The following RNF166 variants were observed in gnomAD, a reference collection of about 807,000 sequenced individuals.
RNF166 encodes the protein ring finger protein 166.
In RNF166, 19 loss-of-function variants were observed where a neutral mutation model predicts 29.4. The ratio of observed to expected loss-of-function variants is 0.65; its 90% CI spans 0.45 to 0.95. The LOEUF (loss-of-function observed/expected upper bound fraction) is 0.95, where lower values mean the gene tolerates loss of function less well. Ranked by LOEUF, RNF166 falls within the 40% of genes least tolerant of loss-of-function variation. The pLI is 0.00. For missense variants in RNF166, 347 were observed against 322.1 expected (o/e 1.08, Z -0.59); for synonymous variants, 171 against 134.5 (o/e 1.27, Z -1.88).
intron 1 of RNF166, among the ~76,000 whole-genome samples, chr16:88,702,244 G>C (rs1161820131): frequency 6.6e-6 from 1 of 152,210 alleles, no homozygotes; most frequent in African/African-American, 2.4e-5. Context: ...TGCAAACACA[G>C]AGAAGGAGCT....
chr16:88,697,957 C>T (rs1909797125), intron 5 of RNF166: 1 of 470,954 alleles, frequency 2.1e-6, no homozygotes, highest in Non-Finnish European at 3.8e-6. Context: ...CATCCTGAGG[C>T]AGGCGGAGCG....
intron 1 of RNF166, chr16:88,703,778 C>G (rs1051781224): frequency 1.0e-6 from 1 of 985,336 alleles, no homozygotes; most frequent in Admixed American, 6.1e-5. Context: ...CCAGCAGGCA[C>G]CCGGGACTGC....
intron 1 of RNF166, chr16:88,701,691 C>A (rs780963589): frequency 1.2e-5 from 5 of 425,344 alleles, no homozygotes; most frequent in Non-Finnish European, 2.1e-5. Flanking sequence ...GCTGTCCCCG[C>A]GAGTGGGCCA....
At position 88,698,453 on chromosome 16, in the gene RNF166, G is replaced by T. The variant is rs755242039; in HGVS notation, c.648+49C>A. 12 of 1,403,358 alleles carry T rather than the reference G, an allele frequency of 8.6e-6. No individual in the cohort carries two copies. The East Asian group carries it at 2.7e-4, about 32-fold the overall frequency. The allele number at this position is 1,403,358 out of a possible 1,614,324, so 86.9% of individuals were successfully genotyped here. A position where few individuals can be genotyped will look rare whatever the true frequency, so the allele number is the denominator to read the frequency against. On this transcript the variant is annotated intron_variant, in intron 5 of 5. Transcript: ENST00000312838. The stretch of plus-strand genomic sequence containing the variant: ...CTGGCGAGGGGCCCGAGCAGGAGGA[G>T]GGTGGATGAGGAGGGCGTGGGGGAG...
intron 1 of RNF166, 51 bp downstream of exon 1, chr16:88,706,120 C>T: frequency 9.1e-6 from 10 of 1,098,890 alleles, no homozygotes; most frequent in Non-Finnish European, 1.1e-5. Flanking sequence ...GCGACCCCTC[C>T]CGCGGCGGGG....
rs751416295 is a variant in RNF166, at chr16:88,696,692, C to T, written c.*876G>A. 3 of 431,362 alleles carry T rather than the reference C, an allele frequency of 7.0e-6. No individual in the cohort carries two copies. Among genetic ancestry groups the T allele is most frequent in the East Asian group, 1.4e-4 (2 of 14,188 alleles). The allele number at this position is 431,362 out of a possible 1,614,324, so 26.7% of individuals were successfully genotyped here. On this transcript the variant is annotated 3_prime_UTR_variant, in exon 6 of 6. Transcript: ENST00000312838. ...GCACAGTCAGCTTTGAAGGTGACAG[C>T]GGGCCAAGGCCAGGACTCTGGGTGG...
At chr16:88,698,777 C>A (rs1039629092) in intron 4 of RNF166, among the ~76,000 whole-genome samples, 168 bp from the exon 5 acceptor site, 2 of 152,016 alleles carry the variant, frequency 1.3e-5, no homozygotes, top group East Asian at 3.8e-4. Flanking sequence ...CAGTGCGCGT[C>A]ACCCTGAAGG....
At chr16:88,702,716 G>A (rs1053805016) in intron 1 of RNF166, 28 of 985,272 alleles carry the variant, frequency 2.8e-5, no homozygotes, top group Admixed American at 1.8e-4. Flanking sequence ...CTTGAGACCC[G>A]TCAGAAAGTG....
intron 5 of RNF166, chr16:88,698,231 T>A: frequency 1.6e-6 from 1 of 639,698 alleles, no homozygotes; most frequent in Non-Finnish European, 2.8e-6. Context: ...CCTCGAGGGG[T>A]TCTGTGGGGT....
At position 88,706,403 on chromosome 16, in the gene RNF166, C is replaced by A. The variant is rs1597418567; in HGVS notation, c.-78G>T. 6.5e-6 allele frequency: 8 copies of A among 1,222,268 alleles called. No homozygotes were observed. Among genetic ancestry groups the A allele is most frequent in the South Asian group, 5.9e-5 (2 of 33,858 alleles). 75.7% of individuals were successfully genotyped at this position (1,222,268 alleles called of 1,614,324 possible). On this transcript the variant is annotated 5_prime_UTR_variant, in exon 1 of 6. Transcript: ENST00000312838. ...CCGCTAGTCACAGCCGCTACTGCGC[C>A]GCGCTGACGTCATCGTAGGGCGCCG...
chr16:88,702,696 C>T (rs752843), intron 1 of RNF166: 246,754 of 984,594 alleles, frequency 0.25, 33,515 homozygotes, highest in African/African-American at 0.52. Flanking sequence ...TGAGAGAAAG[C>T]GGGACTCAGC....
chr16:88,697,903 G>T, intron 5 of RNF166: 1 of 494,722 alleles, frequency 2.0e-6, no homozygotes. Flanking sequence ...CGGGGTTTCC[G>T]AGGTGAGCAG....
intron 3 of RNF166, 127 bp from the exon 4 acceptor site, chr16:88,699,212 G>A (rs1186472602): frequency 4.1e-6 from 3 of 734,508 alleles, no homozygotes; most frequent in Non-Finnish European, 7.0e-6. Flanking sequence ...GGCAGTGGCT[G>A]GGTGCCCCCC....
chr16:88,704,261 G>A (rs1009034973), intron 1 of RNF166: 13 of 985,452 alleles, frequency 1.3e-5, no homozygotes, highest in Non-Finnish European at 1.6e-5. Context: ...AAGAAACAAA[G>A]TTAGAAGCAG....
chr16:88,703,009 G>T (rs1910412290), intron 1 of RNF166: 2 of 985,370 alleles, frequency 2.0e-6, no homozygotes, highest in Non-Finnish European at 2.4e-6. Flanking sequence ...GGCGTGGCGT[G>T]CACACCCATG....
At chr16:88,699,518 G>T in intron 3 of RNF166, 102 bp downstream of exon 3, 2 of 904,346 alleles carry the variant, frequency 2.2e-6, no homozygotes, top group South Asian at 1.7e-5. Context: ...ACCCGGCCCC[G>T]GGTGACTCCC....
chr16:88,704,132 C>T, intron 1 of RNF166: 1 of 985,484 alleles, frequency 1.0e-6, no homozygotes, highest in Non-Finnish European at 1.2e-6. Flanking sequence ...GAGGAAGTTG[C>T]TCTGGTTGGG....
chr16:88,701,707 G>C, intron 1 of RNF166: 1 of 368,738 alleles, frequency 2.7e-6, no homozygotes. Flanking sequence ...GGCCAGAGGA[G>C]CTCCCATAGG....
Position 88,701,315 on chromosome 16 carries a change from C to T in RNF166, c.259G>A (p.Val87Met), listed in dbSNP as rs372583072. ...DPKKVDKATHVEKQLSSYKAP... is the reference protein window; with the variant it reads ...DPKKVDKATHMEKQLSSYKAP... ...TTGTAGGATGAGAGCTGCTTCTCCA[C>T]GTGGGTGGCCTTGTCCACCTTCTTG... Residue 87 changes from valine to methionine, a missense_variant, in exon 2 of 6, where the codon GTG (valine) becomes ATG (methionine). Coordinates refer to ENST00000312838, the MANE Select transcript of RNF166 (RefSeq NM_178841.4). The T allele has an allele frequency of 1.5e-5, 25 of 1,613,636 alleles. No homozygotes were observed. Among genetic ancestry groups the T allele is most frequent in the Non-Finnish European group, 1.9e-5 (22 of 1,179,948 alleles).
Sources: allele counts gnomAD v4.1 joint callset (sites outside exome capture counted in the v4.1 genomes callset), GRCh38; gene constraint gnomAD v4.1.1; transcripts MANE v1.5; gene names NCBI Gene and HGNC (gene_info 2026-07-23, HGNC 2026-07-21).